The following TNFAIP8L3 variants were observed in gnomAD, a reference collection of about 807,000 sequenced individuals.
The protein encoded by TNFAIP8L3 is TNF alpha induced protein 8 like 3, also known as tumor necrosis factor alpha-induced protein 8-like protein 3.
In TNFAIP8L3, 7 loss-of-function variants were observed where a neutral mutation model predicts 11.8. The ratio of observed to expected loss-of-function variants is 0.59; its 90% CI spans 0.34 to 1.11. The LOEUF (loss-of-function observed/expected upper bound fraction) is 1.11. Ranked by LOEUF, TNFAIP8L3 falls within the 50% of genes most tolerant of loss-of-function variation. The pLI, the probability that TNFAIP8L3 is intolerant of heterozygous loss-of-function variation, is 0.03. For synonymous variants in TNFAIP8L3, 98 were observed against 103.8 expected (o/e 0.94, Z 0.34); for missense variants, 219 against 258.6 (o/e 0.85, Z 1.05).
chr15:51,065,615 C>T (rs1358063156), intron 1 of TNFAIP8L3, among the ~76,000 whole-genome samples: 1 of 152,140 alleles, frequency 6.6e-6, no homozygotes, highest in Non-Finnish European at 1.5e-5. Context: ...TCAGCTACAG[C>T]CCAGAAAAGG....
chr15:51,100,263 T>G (rs2065540999), intron 1 of TNFAIP8L3, among the ~76,000 whole-genome samples: 2 of 152,162 alleles, frequency 1.3e-5, no homozygotes, highest in Non-Finnish European at 2.9e-5. Flanking sequence ...TGCTGCTAGG[T>G]GGATCTGGAG....
chr15:51,103,638 A>G (rs1329973449), intron 1 of TNFAIP8L3, among the ~76,000 whole-genome samples: 1 of 152,244 alleles, frequency 6.6e-6, no homozygotes, highest in Non-Finnish European at 1.5e-5. Flanking sequence ...AAACAGACAC[A>G]TTGACACCAT....
chr15:51,058,785 T>G (rs1157218932), intron 1 of TNFAIP8L3, among the ~76,000 whole-genome samples: 2 of 152,250 alleles, frequency 1.3e-5, no homozygotes, highest in Non-Finnish European at 2.9e-5. Flanking sequence ...ACTCTACCAC[T>G]GCTGTCACGC....
intron 1 of TNFAIP8L3, among the ~76,000 whole-genome samples, chr15:51,067,151 A>G (rs74013127): frequency 0.016 from 2,512 of 152,264 alleles, 92 homozygotes; most frequent in African/African-American, 0.057. Flanking sequence ...GAGGCTTACA[A>G]AAGGCATTTG....
At chr15:51,064,498 G>A (rs1176417962) in intron 1 of TNFAIP8L3, 1 of 151,828 alleles carries the variant, frequency 6.6e-6, no homozygotes, top group Non-Finnish European at 1.5e-5. Context: ...ATATGTATAT[G>A]ACATATATAT....
intron 1 of TNFAIP8L3, among the ~76,000 whole-genome samples, chr15:51,070,127 C>A (rs983769533): frequency 2.0e-5 from 3 of 152,162 alleles, no homozygotes; most frequent in African/African-American, 7.2e-5. Flanking sequence ...ATTTTACAGC[C>A]AGCTCTGAAA....
Position 51,057,989 on chromosome 15 carries a change from G to A in TNFAIP8L3, c.507C>T (p.Ala169=), listed in dbSNP as rs191248637. The A allele has an allele frequency of 3.3e-5, 54 of 1,614,210 alleles. No individual in the cohort carries two copies. The highest frequency in any genetic ancestry group is 2.4e-4 in the African/African-American group (18 of 75,058). Residue 169 remains alanine, a synonymous_variant, in exon 2 of 2, where the codon GCC becomes GCT. Transcript: ENST00000637513. ...AGAGGGTGGAGAGGAACTCCACATC[G>A]GCAAAGTGGTTAAAGACGTGGTTGA... The part of the protein sequence containing the change: ...GRINHVFNHF[A]DVEFLSTLYS...
At chr15:51,082,840 A>G (rs1264681473) in intron 1 of TNFAIP8L3, among the ~76,000 whole-genome samples, 2 of 152,326 alleles carry the variant, frequency 1.3e-5, no homozygotes, top group East Asian at 3.9e-4. Flanking sequence ...AGGTGCAAGG[A>G]ATTTTTAGCT....
At chr15:51,088,376 G>A (rs1197279113) in intron 1 of TNFAIP8L3, among the ~76,000 whole-genome samples, 5 of 152,110 alleles carry the variant, frequency 3.3e-5, no homozygotes, top group African/African-American at 1.2e-4. Context: ...CTTCCCACTA[G>A]AATTCCAAAT....
chr15:51,082,198 C>G (rs1014566042), intron 1 of TNFAIP8L3, among the ~76,000 whole-genome samples: 2 of 152,060 alleles, frequency 1.3e-5, no homozygotes, highest in Admixed American at 1.3e-4. Flanking sequence ...CTTATACAAA[C>G]CTAGATGGTC....
intron 1 of TNFAIP8L3, chr15:51,104,926 G>C: frequency 1.3e-6 from 2 of 1,581,876 alleles, no homozygotes; most frequent in Non-Finnish European, 1.7e-6. Flanking sequence ...TGCATCCTCA[G>C]CTCGCCACCT....
At chr15:51,063,044 T>G (rs977478959) in intron 1 of TNFAIP8L3, among the ~76,000 whole-genome samples, 2 of 152,108 alleles carry the variant, frequency 1.3e-5, no homozygotes, top group Admixed American at 1.3e-4. Context: ...AAGCTGGAGA[T>G]GGCCAGGGAG....
At chr15:51,093,936 C>G (rs1017224562) in intron 1 of TNFAIP8L3, among the ~76,000 whole-genome samples, 1 of 152,192 alleles carries the variant, frequency 6.6e-6, no homozygotes, top group African/African-American at 2.4e-5. Context: ...TCGGGAGGCG[C>G]GCGCCCCTGC....
intron 1 of TNFAIP8L3, among the ~76,000 whole-genome samples, chr15:51,070,922 G>A (rs1015187652): frequency 9.4e-5 from 14 of 148,204 alleles, no homozygotes; most frequent in Middle Eastern, 3.5e-3. Context: ...GTAGTGGCGG[G>A]CGCCTGTAGT....
At position 51,058,228 on chromosome 15, in the gene TNFAIP8L3, T is replaced by C; in HGVS notation, c.268A>G (p.Ile90Val). ...CTAAACTGGTTGTTCCGGTAGAGGA[T>C]CCCGATTTTGATCGCCACCTTGATT... ...DLIKVAIKIG[I>V]LYRNNQFSQE... The change falls in exon 2 of 2, where the codon ATC (isoleucine) becomes GTC (valine). Residue 90 changes from isoleucine to valine, a missense_variant. Physicochemically the swap from Ile to Val is conservative, Grantham distance 29 (BLOSUM62 3). Coordinates refer to ENST00000637513, the MANE Select transcript of TNFAIP8L3 (RefSeq NM_001311175.2). 1 of 1,614,222 alleles carries C rather than the reference T, an allele frequency of 6.2e-7. No individual in the cohort carries two copies.
Position 51,104,965 on chromosome 15 carries a change from CT to C in TNFAIP8L3, c.172+39del, listed in dbSNP as rs754098816. 12 of 1,613,582 alleles carry C rather than the reference CT, an allele frequency of 7.4e-6. No homozygotes were observed. In the East Asian group the frequency reaches 1.3e-4, roughly 18 times the overall value. On this transcript the variant is annotated intron_variant, in intron 1 of 2. Coordinates refer to the TNFAIP8L3 transcript ENST00000327536. ...ATGCTTTGCACAAGCCTCCCCGCCCCTATACTTCCTTCTCTGCCAGTTCCTG... is the reference window on the plus strand; with the variant it reads ...ATGCTTTGCACAAGCCTCCCCGCCCCATACTTCCTTCTCTGCCAGTTCCTG...
At chr15:51,070,841 T>A (rs944729054) in intron 1 of TNFAIP8L3, among the ~76,000 whole-genome samples, 1 of 149,696 alleles carries the variant, frequency 6.7e-6, no homozygotes, top group African/African-American at 2.5e-5. Context: ...GGTCAGGAGA[T>A]CGAGACCATC....
intron 1 of TNFAIP8L3, among the ~76,000 whole-genome samples, chr15:51,061,605 C>T (rs1206662229): frequency 6.6e-6 from 1 of 152,116 alleles, no homozygotes; most frequent in African/African-American, 2.4e-5. Flanking sequence ...ACTTCACCCA[C>T]AGCACTTTAA....
At chr15:51,099,225 A>G (rs1040226274), upstream of TNFAIP8L3, among the ~76,000 whole-genome samples, 4 of 152,132 alleles carry the variant, frequency 2.6e-5, no homozygotes, top group Non-Finnish European at 5.9e-5. Flanking sequence ...TTCCTTCCAC[A>G]CTTTCTTTGT....
Sources: allele counts gnomAD v4.1 joint callset (sites outside exome capture counted in the v4.1 genomes callset), GRCh38; gene constraint gnomAD v4.1.1; transcripts MANE v1.5; gene names NCBI Gene and HGNC (gene_info 2026-07-23, HGNC 2026-07-21).